Variants in TENM2 observed in about 807,000 individuals in gnomAD.
The protein encoded by TENM2 is teneurin-2.
Under a neutral mutation model 245.2 loss-of-function variants are expected in TENM2, and 52 were observed. That is an observed-to-expected ratio of 0.21 (90% CI 0.17 to 0.27). The LOEUF (loss-of-function observed/expected upper bound fraction) is 0.27, where lower values mean the gene tolerates loss of function less well. Among genes scored for constraint, TENM2 ranks in the 10% least tolerant of loss-of-function variants. The probability of loss-of-function intolerance (pLI) is 1.00; values close to 1 mark genes in which losing one functional copy is unlikely to be tolerated. For synonymous variants in TENM2, 1,363 were observed against 1,438.9 expected (o/e 0.95, Z 1.19); for missense variants, 3,046 against 3,666.8 (o/e 0.83, Z 4.37).
chr5:168,233,053 C>T (rs965072979), intron 25 of TENM2, among the ~76,000 whole-genome samples: 2 of 152,194 alleles, frequency 1.3e-5, no homozygotes, highest in African/African-American at 2.4e-5. Context: ...GCAGGCCGGG[C>T]GTGGTGTCTC....
the TENM2 span, among the ~76,000 whole-genome samples, chr5:166,979,230 G>A: frequency 6.6e-6 from 1 of 151,594 alleles, no homozygotes; most frequent in African/African-American, 2.4e-5. Flanking sequence ...AGCAGCAGCA[G>A]CAGCAGCCGC....
At chr5:167,694,698 C>T (rs1757649026) in intron 2 of TENM2, among the ~76,000 whole-genome samples, 2 of 152,084 alleles carry the variant, frequency 1.3e-5, no homozygotes, top group African/African-American at 4.8e-5. Context: ...GAGAATCGGG[C>T]CCCAGCTCTT....
At chr5:167,212,241 C>A in the TENM2 span, among the ~76,000 whole-genome samples, 2 of 149,062 alleles carry the variant, frequency 1.3e-5, no homozygotes, top group Non-Finnish European at 3.0e-5. Context: ...GCTCGACAGA[C>A]CTGCAGCCGC....
intron 6 of TENM2, among the ~76,000 whole-genome samples, chr5:168,055,553 T>C (rs1789466519): frequency 6.6e-6 from 1 of 152,214 alleles, no homozygotes; most frequent in Non-Finnish European, 1.5e-5. Flanking sequence ...TCACTGTATA[T>C]TGATTTCAGC....
chr5:167,345,332 G>A (rs141440330), intron 1 of TENM2, among the ~76,000 whole-genome samples: 98 of 152,282 alleles, frequency 6.4e-4, no homozygotes, highest in African/African-American at 2.2e-3. Context: ...GTGGCTGAGC[G>A]CAAGGAAGCA....
rs1335065555 is a variant in TENM2, at chr5:167,427,604, GAGGGAAGGA to G, written c.502+52143_502+52151del. Among the ~76,000 whole-genome samples the G allele has an allele frequency of 1.5e-3, 130 of 86,642 alleles. 8 individuals carry two copies. The highest frequency in any genetic ancestry group is 8.3e-3 in the African/African-American group (121 of 14,622). 56.8% of individuals were successfully genotyped at this position (86,642 alleles called of 152,430 possible). A position where few individuals can be genotyped will look rare whatever the true frequency, so the allele number is the denominator to read the frequency against. On this transcript the variant is annotated intron_variant, in intron 2 of 28. Coordinates refer to ENST00000518659, the Ensembl canonical transcript of TENM2. ...GGGAAGGAAGGGAAGGAAGGGACGG[GAGGGAAGGA>G]AGGGAAGGAAGAAAGGACGGAAAGG...
At chr5:167,444,339 G>C (rs1765043210) in intron 2 of TENM2, among the ~76,000 whole-genome samples, 1 of 148,724 alleles carries the variant, frequency 6.7e-6, no homozygotes, top group Admixed American at 6.8e-5. Flanking sequence ...ATTCTGCCAT[G>C]ACAAAAATTA....
chr5:167,195,053 C>T, the TENM2 span, among the ~76,000 whole-genome samples: 1 of 152,028 alleles, frequency 6.6e-6, no homozygotes, highest in Admixed American at 6.6e-5. Flanking sequence ...TTATACTAAT[C>T]CATGCAATTA....
chr5:166,997,395 A>C, the TENM2 span, among the ~76,000 whole-genome samples: 6 of 152,172 alleles, frequency 3.9e-5, no homozygotes, highest in Non-Finnish European at 8.8e-5. Context: ...GATTTTATGG[A>C]ATAGAATTTC....
intron 5 of TENM2, among the ~76,000 whole-genome samples, chr5:168,040,587 T>A (rs1016027897): frequency 1.3e-5 from 2 of 152,232 alleles, no homozygotes; most frequent in African/African-American, 2.4e-5. Flanking sequence ...TTCACCAAGG[T>A]GGTTAGAAAA....
At chr5:167,505,570 T>G (rs958059633) in intron 2 of TENM2, among the ~76,000 whole-genome samples, 3 of 152,188 alleles carry the variant, frequency 2.0e-5, no homozygotes, top group Non-Finnish European at 4.4e-5. Context: ...AACTTGTTGT[T>G]TTAAAATACT....
the TENM2 span, among the ~76,000 whole-genome samples, chr5:166,983,647 CCTTAT>C: frequency 1.3e-5 from 2 of 151,968 alleles, no homozygotes; most frequent in Non-Finnish European, 2.9e-5. Flanking sequence ...TGACAGCATC[CCTTAT>C]CTTATCAACA....
At chr5:168,241,885 G>A (rs11959062) in intron 25 of TENM2, among the ~76,000 whole-genome samples, 8,154 of 152,160 alleles carry the variant, frequency 0.054, 685 homozygotes, top group African/African-American at 0.18. Context: ...CAGGATTTAC[G>A]CTTATTATTT....
the TENM2 span, among the ~76,000 whole-genome samples, chr5:167,214,823 A>G: frequency 6.6e-6 from 1 of 152,174 alleles, no homozygotes; most frequent in Non-Finnish European, 1.5e-5. Context: ...TATTGTACAG[A>G]CATAGATCTT....
intron 5 of TENM2, among the ~76,000 whole-genome samples, chr5:168,030,178 T>TTTTTTC: frequency 7.2e-6 from 1 of 139,436 alleles, no homozygotes; most frequent in African/African-American, 2.7e-5. Context: ...TTTTTTTTTT[T>TTTTTTC]TTTTTTTTTC....
chr5:167,190,932 A>C, the TENM2 span, among the ~76,000 whole-genome samples: 1 of 152,104 alleles, frequency 6.6e-6, no homozygotes, highest in South Asian at 2.1e-4. Context: ...GTTAATTTGC[A>C]TATACATGTG....
intron 2 of TENM2, among the ~76,000 whole-genome samples, chr5:167,817,116 T>A (rs1384580954): frequency 1.3e-5 from 2 of 152,210 alleles, no homozygotes; most frequent in African/African-American, 4.8e-5. Flanking sequence ...TTTGTTCAGG[T>A]GTTTTGACAG....
intron 12 of TENM2, among the ~76,000 whole-genome samples, chr5:168,134,749 G>T (rs1347695215): frequency 6.6e-6 from 1 of 152,094 alleles, no homozygotes; most frequent in Non-Finnish European, 1.5e-5. Context: ...TCACAAATTT[G>T]CTTCCAATCC....
At chr5:167,652,798 A>G (rs954115151) in intron 2 of TENM2, among the ~76,000 whole-genome samples, 1 of 152,190 alleles carries the variant, frequency 6.6e-6, no homozygotes, top group Admixed American at 6.5e-5. Context: ...AAATAGTGAA[A>G]TAATATTCCT....
Sources: gnomAD v4.1 joint callset for allele counts (sites outside exome capture counted in the v4.1 genomes callset) on GRCh38, gnomAD v4.1.1 for gene constraint, MANE v1.5 for transcripts, NCBI Gene and HGNC (gene_info 2026-07-23, HGNC 2026-07-21) for gene names.